PTPRD: variants seen among roughly 807,000 people sequenced by gnomAD.
The protein encoded by PTPRD is protein tyrosine phosphatase receptor type D.
In PTPRD, 34 loss-of-function variants were observed where a neutral mutation model predicts 214.5. That is an observed-to-expected ratio of 0.16 (90% CI 0.12 to 0.21). PTPRD has a LOEUF of 0.21. Among genes scored for constraint, PTPRD ranks in the 10% least tolerant of loss-of-function variants. The probability of loss-of-function intolerance (pLI) is 1.00; values close to 1 mark genes in which losing one functional copy is unlikely to be tolerated. For synonymous variants in PTPRD, 1,128 were observed against 845.7 expected, an observed-to-expected ratio of 1.33 and a Z score of -5.79; for missense variants, 2,545 against 2,398.7, an observed-to-expected ratio of 1.06 and a Z score of -1.27.
intron 14 of PTPRD, among the ~76,000 whole-genome samples, chr9:8,545,420 G>C (rs2079799251): frequency 1.3e-5 from 2 of 152,134 alleles, no homozygotes; most frequent in African/African-American, 2.4e-5. Flanking sequence ...CTTCTAAAAA[G>C]CAGATCAAAT....
At chr9:10,307,631 T>C (rs1464482655) in intron 3 of PTPRD, among the ~76,000 whole-genome samples, 2 of 152,210 alleles carry the variant, frequency 1.3e-5, no homozygotes, top group East Asian at 3.9e-4. Flanking sequence ...ATATCCATAC[T>C]GTTTTCCATA....
At chr9:9,596,202 C>T (rs1031861391) in intron 7 of PTPRD, among the ~76,000 whole-genome samples, 1 of 151,672 alleles carries the variant, frequency 6.6e-6, no homozygotes, top group Non-Finnish European at 1.5e-5. Context: ...TGTCAAAATG[C>T]CAAACTTAAA....
At chr9:8,916,988 G>A (rs1036765505) in intron 11 of PTPRD, among the ~76,000 whole-genome samples, 1 of 151,296 alleles carries the variant, frequency 6.6e-6, no homozygotes, top group East Asian at 1.9e-4. Context: ...TTCTCTTTAT[G>A]AGGCCTCATG....
intron 8 of PTPRD, among the ~76,000 whole-genome samples, chr9:9,486,179 A>AAAAAAAG (rs2095626687): frequency 7.3e-6 from 1 of 136,748 alleles, no homozygotes; most frequent in African/African-American, 2.7e-5. Context: ...AAAAAAAAAA[A>AAAAAAAG]AAAAAAGCCT....
intron 2 of PTPRD, among the ~76,000 whole-genome samples, chr9:10,498,497 AG>A (rs141001035): frequency 0.06 from 9,168 of 151,976 alleles, 897 homozygotes; most frequent in African/African-American, 0.21. Flanking sequence ...GGGTCAAAAC[AG>A]GTCACATCAA....
At chr9:8,960,196 G>A (rs2099151617) in intron 11 of PTPRD, among the ~76,000 whole-genome samples, 1 of 152,030 alleles carries the variant, frequency 6.6e-6, no homozygotes. Context: ...TAGGTCATGA[G>A]TTTTGTCGTC....
intron 3 of PTPRD, among the ~76,000 whole-genome samples, chr9:10,240,237 CCT>C (rs1362259561): frequency 6.6e-6 from 1 of 151,866 alleles, no homozygotes; most frequent in Non-Finnish European, 1.5e-5. Flanking sequence ...TTTCTCTGTA[CCT>C]TTGATTCTTC....
chr9:9,140,688 C>T (rs897939991), intron 10 of PTPRD, among the ~76,000 whole-genome samples: 2 of 152,234 alleles, frequency 1.3e-5, no homozygotes, highest in African/African-American at 2.4e-5. Context: ...ACGCCATTCT[C>T]CTGCCTCAGC....
At chr9:10,322,492 C>G (rs987569942) in intron 3 of PTPRD, among the ~76,000 whole-genome samples, 11 of 152,058 alleles carry the variant, frequency 7.2e-5, no homozygotes, top group African/African-American at 2.6e-4. Context: ...TTAGGATACT[C>G]GAGCCTAGCT....
intron 3 of PTPRD, among the ~76,000 whole-genome samples, chr9:10,335,840 A>C (rs1194124899): frequency 2.0e-5 from 3 of 151,978 alleles, no homozygotes; most frequent in Admixed American, 1.3e-4. Flanking sequence ...AGCATGTGAA[A>C]AGATGCTCAC....
intron 5 of PTPRD, among the ~76,000 whole-genome samples, chr9:9,864,470 A>G (rs1423288461): frequency 6.6e-6 from 1 of 152,074 alleles, no homozygotes; most frequent in Non-Finnish European, 1.5e-5. Flanking sequence ...AAATACAGAA[A>G]ACACTAATAT....
chr9:8,984,056 T>C (rs2099327561), intron 11 of PTPRD, among the ~76,000 whole-genome samples: 1 of 152,082 alleles, frequency 6.6e-6, no homozygotes, highest in African/African-American at 2.4e-5. Context: ...AGTATGTGTG[T>C]TTTCTACTTA....
chr9:9,480,237 C>T (rs946787098), intron 8 of PTPRD, among the ~76,000 whole-genome samples: 3 of 152,130 alleles, frequency 2.0e-5, no homozygotes, highest in African/African-American at 4.8e-5. Context: ...TGGTGGTATT[C>T]ACAGTTTTCT....
At chr9:9,457,382 CCTATTTGA>C (rs1456145082) in intron 8 of PTPRD, among the ~76,000 whole-genome samples, 10 of 151,852 alleles carry the variant, frequency 6.6e-5, no homozygotes, top group Non-Finnish European at 1.5e-5. Context: ...TGTTATAATT[CCTATTTGA>C]CTAAGTATAA....
chr9:9,750,576 T>G (rs970360518), intron 6 of PTPRD, among the ~76,000 whole-genome samples: 9 of 152,106 alleles, frequency 5.9e-5, no homozygotes, highest in African/African-American at 1.9e-4. Flanking sequence ...CAGATTCACA[T>G]TAAATTGTAA....
chr9:10,299,225 TC>T (rs2095788205), intron 3 of PTPRD, among the ~76,000 whole-genome samples: 3 of 152,200 alleles, frequency 2.0e-5, no homozygotes, highest in Admixed American at 2.0e-4. Flanking sequence ...ACTATTATCA[TC>T]ATCAACAATG....
intron 3 of PTPRD, among the ~76,000 whole-genome samples, chr9:10,081,636 G>T (rs1448712055): frequency 1.3e-5 from 2 of 152,050 alleles, no homozygotes; most frequent in East Asian, 1.9e-4. Context: ...CTATAAGAAA[G>T]AAATTTCTGT....
intron 35 of PTPRD, among the ~76,000 whole-genome samples, chr9:8,421,734 A>C (rs1462888183): frequency 6.6e-6 from 1 of 152,212 alleles, no homozygotes; most frequent in Non-Finnish European, 1.5e-5. Context: ...CAATACAAAC[A>C]AAAGAAACAC....
intron 9 of PTPRD, among the ~76,000 whole-genome samples, chr9:9,259,670 G>A (rs188253303): frequency 6.6e-6 from 1 of 152,048 alleles, no homozygotes; most frequent in East Asian, 2.0e-4. Context: ...TAGTGATGCT[G>A]CCATTAGTGC....
Sources: allele counts gnomAD v4.1 joint callset (sites outside exome capture counted in the v4.1 genomes callset), GRCh38; gene constraint gnomAD v4.1.1; transcripts MANE v1.5; gene names NCBI Gene and HGNC (gene_info 2026-07-23, HGNC 2026-07-21).